Variants in DYSF observed in about 807,000 individuals in gnomAD.
DYSF encodes the protein dystrophy-associated fer-1-like 1.
A neutral mutation model predicts 274.9 loss-of-function variants in DYSF; 212 were observed. The ratio of observed to expected loss-of-function variants is 0.77; its 90% CI spans 0.69 to 0.86. The LOEUF (loss-of-function observed/expected upper bound fraction) is 0.86, where lower values mean the gene tolerates loss of function less well. Ranked by LOEUF, DYSF falls within the 40% of genes least tolerant of loss-of-function variation. The pLI, the probability that DYSF is intolerant of heterozygous loss-of-function variation, is 0.00. For missense variants in DYSF, 2,666 were observed against 2,783.2 expected, an observed-to-expected ratio of 0.96 and a Z score of 0.95; for synonymous variants, 1,091 against 1,078.7, an observed-to-expected ratio of 1.01 and a Z score of -0.22.
chr2:71,578,581 G>A (rs2092788911), intron 30 of DYSF, among the ~76,000 whole-genome samples: 1 of 152,218 alleles, frequency 6.6e-6, no homozygotes, highest in Admixed American at 6.5e-5. Context: ...CAGAGTGGCA[G>A]TGTCTAATGA....
chr2:71,467,081 G>A, intron 1 of DYSF, 148 bp downstream of exon 1: 2 of 1,174,304 alleles, frequency 1.7e-6, no homozygotes, highest in Non-Finnish European at 2.4e-6. Flanking sequence ...TCCCAGCCCC[G>A]ACTTCTGCAG....
intron 17 of DYSF, among the ~76,000 whole-genome samples, chr2:71,550,504 C>T (rs2090860442): frequency 6.6e-6 from 1 of 151,664 alleles, no homozygotes; most frequent in African/African-American, 2.4e-5. Context: ...GAACGGCTAG[C>T]TGGGCTCCAT....
chr2:71,530,289 T>G (rs535422970), intron 14 of DYSF, among the ~76,000 whole-genome samples: 1 of 152,200 alleles, frequency 6.6e-6, no homozygotes, highest in East Asian at 1.9e-4. Flanking sequence ...CGTCCTGAGA[T>G]TGTTCTTATT....
intron 3 of DYSF, among the ~76,000 whole-genome samples, chr2:71,496,400 G>T (rs1483538071): frequency 6.6e-6 from 1 of 152,136 alleles, no homozygotes; most frequent in African/African-American, 2.4e-5. Context: ...GGCAGAGAGA[G>T]CGAGGGGAAC....
At chr2:71,485,410 G>A (rs1374214293) in intron 3 of DYSF, among the ~76,000 whole-genome samples, 2 of 152,146 alleles carry the variant, frequency 1.3e-5, no homozygotes, top group East Asian at 1.9e-4. Context: ...ACAAAAATTC[G>A]CTGGGCGTGG....
intron 3 of DYSF, among the ~76,000 whole-genome samples, chr2:71,489,194 T>C (rs1159101014): frequency 6.6e-6 from 1 of 152,172 alleles, no homozygotes; most frequent in African/African-American, 2.4e-5. Context: ...TGCCTTGCTC[T>C]TGTTCCCCCG....
chr2:71,552,320 G>A (rs954957516), intron 19 of DYSF, among the ~76,000 whole-genome samples: 1 of 152,172 alleles, frequency 6.6e-6, no homozygotes, highest in African/African-American at 2.4e-5. Flanking sequence ...TCTGGAAAGT[G>A]GGGGTAATGA....
intron 1 of DYSF, among the ~76,000 whole-genome samples, chr2:71,478,579 A>G (rs1261546507): frequency 6.6e-6 from 1 of 152,092 alleles, no homozygotes. Context: ...GCCCCAAAGA[A>G]TCACAGGAAA....
Position 71,526,284 on chromosome 2 carries a change from G to T in DYSF, c.1214G>T (p.Gly405Val), listed in dbSNP as rs2087891364. Residue 405 changes from glycine to valine, a missense_variant, in exon 13 of 56, where the codon GGC (glycine) becomes GTC (valine). By Grantham distance (109) the Gly-to-Val change is moderately radical. Around this residue, in one of 3 missense-constraint regions of DYSF, gnomAD observed 794 missense variants for 777.1 expected, o/e 1.02. Coordinates refer to ENST00000410020, the MANE Select transcript of DYSF (RefSeq NM_001130987.2). ...GAAAGCAACCTGCTCCGGCCCACAG[G>T]CGTAGCCCTGCGAGGAGCCCACTTC... ...DIESNLLRPT[G>V]VALRGAHFCL... 6.2e-7 allele frequency: 1 copy of T among 1,614,104 alleles called. No individual in the cohort carries two copies. Among genetic ancestry groups the T allele is most frequent in the African/African-American group, 1.3e-5 (1 of 74,938 alleles).
chr2:71,660,467 C>T, intron 44 of DYSF, 93 bp from the exon 45 acceptor site: 1 of 1,079,262 alleles, frequency 9.3e-7, no homozygotes, highest in Non-Finnish European at 1.4e-6. Flanking sequence ...CTGATGGCTG[C>T]TCCCTCATCC....
At chr2:71,664,036 G>T (rs760207689) in intron 45 of DYSF, among the ~76,000 whole-genome samples, 20 of 152,188 alleles carry the variant, frequency 1.3e-4, no homozygotes, top group Non-Finnish European at 2.8e-4. Context: ...GGTCCATCAG[G>T]CAGGCACTTG....
Position 71,656,310 on chromosome 2 carries a change from C to T in DYSF, c.4755+20C>T, listed in dbSNP as rs768409399. 8.7e-6 allele frequency: 14 copies of T among 1,613,148 alleles called. No individual in the cohort carries two copies. The highest frequency in any genetic ancestry group is 1.3e-5 in the African/African-American group (1 of 74,900). On this transcript the variant is annotated intron_variant, in intron 43 of 55. Coordinates refer to ENST00000410020, the MANE Select transcript of DYSF (RefSeq NM_001130987.2). ...TTTAAGGTAAATCCTCGAAGACGTC[C>T]CTAACCCAGGTGGGCCTAAGACTGT...
In DYSF at chr2:71,684,284, G is replaced by A. The variant is rs557671805; in HGVS notation, c.6321+1607G>A. 1.4e-4 allele frequency among the ~76,000 whole-genome samples: 21 copies of A among 152,168 alleles called. No homozygotes were observed. In the South Asian group the frequency reaches 3.9e-3, roughly 28 times the overall value. On this transcript the variant is annotated intron_variant, in intron 55 of 55. Coordinates refer to ENST00000410020, the MANE Select transcript of DYSF (RefSeq NM_001130987.2). ...GTGTGTGCACGTGTGGTGTCCTGCA[G>A]CATGAGCTGTTGCTGTGACCTGAGA...
At chr2:71,462,753 G>A (rs945834909), upstream of DYSF, among the ~76,000 whole-genome samples, 4 of 152,196 alleles carry the variant, frequency 2.6e-5, no homozygotes, top group South Asian at 2.1e-4. Flanking sequence ...AGGGTAGCTC[G>A]TCACCGCAGG....
In DYSF at chr2:71,511,896, T is replaced by G. The variant is rs1305158929; in HGVS notation, c.435T>G (p.Thr145=). 1 of 1,550,746 alleles carries G rather than the reference T, an allele frequency of 6.4e-7. No individual in the cohort carries two copies. The highest frequency in any genetic ancestry group is 8.7e-7 in the Non-Finnish European group (1 of 1,146,398). The change falls in exon 5 of 56, where the codon ACT becomes ACG. Residue 145 remains threonine, a synonymous_variant. Coordinates refer to ENST00000410020, the MANE Select transcript of DYSF (RefSeq NM_001130987.2). ...PPPTPLEPSP[T]LPDLDVVAGG... is the part of the protein sequence containing the mutation. ...CTACTCCTCTGGAGCCCTCCCCGAC[T>G]CTGCCTGACCTGGATGTAGTGGCAG...
At chr2:71,539,439 G>A (rs2089709765) in intron 17 of DYSF, among the ~76,000 whole-genome samples, 200 bp downstream of exon 17, 1 of 152,164 alleles carries the variant, frequency 6.6e-6, no homozygotes, top group South Asian at 2.1e-4. Context: ...CTTGGATTGT[G>A]GGATATGCCA....
chr2:71,649,467 T>C (rs960618004), intron 42 of DYSF, among the ~76,000 whole-genome samples: 3 of 152,172 alleles, frequency 2.0e-5, no homozygotes, highest in East Asian at 1.9e-4. Flanking sequence ...AACTGGGTGA[T>C]AGGGAGAAGG....
chr2:71,543,926 G>A lies in DYSF; in HGVS notation c.1576+4687G>A, dbSNP rs571399516. On this transcript the variant is annotated intron_variant, in intron 17 of 55. Coordinates refer to ENST00000410020, the MANE Select transcript of DYSF (RefSeq NM_001130987.2). Reference sequence around the variant, plus strand: ...CCGTGGGGAGAGGGGGAGGGAGAAGGAGAGGGAGAGGGAGAGGGAGACGGA... The same window carrying A: ...CCGTGGGGAGAGGGGGAGGGAGAAGAAGAGGGAGAGGGAGAGGGAGACGGA... Among the ~76,000 whole-genome samples the A allele has an allele frequency of 4.1e-3, 578 of 140,044 alleles. 5 individuals are homozygous for A. Among genetic ancestry groups the A allele is most frequent in the African/African-American group, 0.014 (552 of 40,028 alleles). The allele number at this position is 140,044 out of a possible 152,430, so 91.9% of individuals were successfully genotyped here. A position where few individuals can be genotyped will look rare whatever the true frequency, so the allele number is the denominator to read the frequency against.
chr2:71,679,020 G>A (rs753520481), intron 52 of DYSF, 37 bp from the exon 53 acceptor site: 9 of 1,608,362 alleles, frequency 5.6e-6, no homozygotes, highest in Non-Finnish European at 6.0e-6. Context: ...GGCAGTGATC[G>A]AGAAACCCTT....
Sources: allele counts gnomAD v4.1 joint callset (sites outside exome capture counted in the v4.1 genomes callset), GRCh38; gene constraint gnomAD v4.1.1; regional missense constraint gnomAD v4.1.1; transcripts MANE v1.5; gene names NCBI Gene and HGNC (gene_info 2026-07-23, HGNC 2026-07-21).